The following MUCL1 variants were observed in gnomAD, a reference collection of about 807,000 sequenced individuals.
The protein encoded by MUCL1 is mucin-like protein 1.
Under a neutral mutation model 9.2 loss-of-function variants are expected in MUCL1, and 11 were observed. The observed-to-expected ratio is 1.19, with a 90% CI of 0.75 to 1.97. MUCL1 has a LOEUF of 1.97. Among genes scored for constraint, MUCL1 ranks in the 30% most tolerant of loss-of-function variants. The pLI is 0.00. For synonymous variants in MUCL1, 48 were observed against 40.5 expected, an observed-to-expected ratio of 1.19 and a Z score of -0.71; for missense variants, 144 against 110.9, an observed-to-expected ratio of 1.30 and a Z score of -1.34.
At chr12:54,855,447 T>C (rs1183884850) in intron 2 of MUCL1, 2 of 330,970 alleles carry the variant, frequency 6.0e-6, no homozygotes, top group Non-Finnish European at 5.7e-6. Context: ...TCTGATGTTG[T>C]AGCCTGAGAA....
chr12:54,831,042 TA>T (rs1447789931), intron 1 of MUCL1, among the ~76,000 whole-genome samples: 1 of 152,190 alleles, frequency 6.6e-6, no homozygotes, highest in Non-Finnish European at 1.5e-5. Flanking sequence ...GATAAAAATA[TA>T]AAGTAGAAGA....
At chr12:54,845,727 A>G (rs76575032) in intron 1 of MUCL1, among the ~76,000 whole-genome samples, 9,942 of 152,134 alleles carry the variant, frequency 0.065, 1,106 homozygotes, top group African/African-American at 0.23. Flanking sequence ...AGTGAACTGG[A>G]CTGGACTGGT....
At chr12:54,849,340 A>T (rs1021873742) in intron 1 of MUCL1, among the ~76,000 whole-genome samples, 7 of 152,142 alleles carry the variant, frequency 4.6e-5, no homozygotes, top group Non-Finnish European at 2.9e-5. Flanking sequence ...ATAAGTTCAT[A>T]TATGCATAAA....
At chr12:54,837,046 T>C (rs1959193959), upstream of MUCL1, among the ~76,000 whole-genome samples, 2 of 152,336 alleles carry the variant, frequency 1.3e-5, no homozygotes, top group African/African-American at 4.8e-5. Context: ...GAGAAGAATG[T>C]ATATTCTGCA....
intron 1 of MUCL1, among the ~76,000 whole-genome samples, chr12:54,839,766 G>A (rs1310885436): frequency 6.6e-6 from 1 of 152,164 alleles, no homozygotes; most frequent in Non-Finnish European, 1.5e-5. Flanking sequence ...ACCCTGAAGT[G>A]TTCCAGAAAG....
chr12:54,854,758 C>A, intron 1 of MUCL1, 118 bp downstream of exon 1: 1 of 844,532 alleles, frequency 1.2e-6, no homozygotes, highest in Non-Finnish European at 1.9e-6. Flanking sequence ...CTAACTTGTT[C>A]TATCACCATT....
At chr12:54,852,025 G>A (rs1469141430), upstream of MUCL1, among the ~76,000 whole-genome samples, 1 of 152,116 alleles carries the variant, frequency 6.6e-6, no homozygotes, top group African/African-American at 2.4e-5. Flanking sequence ...ACAAATGGAA[G>A]AACATTCCAT....
chr12:54,853,066 A>G (rs1868267267), upstream of MUCL1, among the ~76,000 whole-genome samples: 1 of 152,088 alleles, frequency 6.6e-6, no homozygotes, highest in Non-Finnish European at 1.5e-5. Flanking sequence ...ACCTCTTAGC[A>G]TGTTTTGGGG....
chr12:54,856,258 T>C (rs1377279821), intron 2 of MUCL1, among the ~76,000 whole-genome samples: 1 of 136,784 alleles, frequency 7.3e-6, no homozygotes, highest in Admixed American at 7.8e-5. Flanking sequence ...TGATAGAAGA[T>C]ATCTTACTGC....
chr12:54,854,133 A>G (rs544140830), upstream of MUCL1, among the ~76,000 whole-genome samples: 4 of 152,328 alleles, frequency 2.6e-5, no homozygotes, highest in African/African-American at 9.6e-5. Context: ...AGGGGGAGAC[A>G]GAGGTCTAAG....
chr12:54,856,218 G>A (rs1868298138), intron 2 of MUCL1, among the ~76,000 whole-genome samples: 1 of 152,140 alleles, frequency 6.6e-6, no homozygotes, highest in Non-Finnish European at 1.5e-5. Flanking sequence ...CAGAGGGTGA[G>A]ACAAATATGG....
upstream of MUCL1, among the ~76,000 whole-genome samples, chr12:54,849,796 T>G (rs1959309827): frequency 6.6e-6 from 1 of 152,172 alleles, no homozygotes. Flanking sequence ...ATGCTTGAAT[T>G]TTAGATCCCT....
chr12:54,851,366 A>T (rs192520985), upstream of MUCL1, among the ~76,000 whole-genome samples: 6 of 152,302 alleles, frequency 3.9e-5, no homozygotes, highest in Admixed American at 3.9e-4. Context: ...ATGCAAATCA[A>T]TACACGTAAT....
At position 54,858,364 on chromosome 12, in the gene MUCL1, A is replaced by C; in HGVS notation, c.*122A>C. On this transcript the variant is annotated 3_prime_UTR_variant, in exon 4 of 4. Transcript: ENST00000308796. ...TCTCTAATCAGTTTATTTTCTTTCAAATAAAAAATAACTATGAGCAACATA... is the reference window on the plus strand; with the variant it reads ...TCTCTAATCAGTTTATTTTCTTTCACATAAAAAATAACTATGAGCAACATA... The C allele has an allele frequency of 8.0e-7, 1 of 1,247,768 alleles. No individual in the cohort carries two copies. The highest frequency in any genetic ancestry group is 1.2e-6 in the Non-Finnish European group (1 of 866,932). The allele number at this position is 1,247,768 out of a possible 1,614,324, so 77.3% of individuals were successfully genotyped here.
At chr12:54,848,650 A>G (rs1362802355) in intron 1 of MUCL1, among the ~76,000 whole-genome samples, 1 of 152,216 alleles carries the variant, frequency 6.6e-6, no homozygotes, top group Non-Finnish European at 1.5e-5. Context: ...AAATCATGGA[A>G]GAGGAAATTC....
At chr12:54,848,844 A>C (rs1223482658) in intron 1 of MUCL1, among the ~76,000 whole-genome samples, 1 of 152,206 alleles carries the variant, frequency 6.6e-6, no homozygotes, top group African/African-American at 2.4e-5. Flanking sequence ...CTCTTTGAGA[A>C]AGCTGTTGGT....
At chr12:54,852,230 G>C, upstream of MUCL1, among the ~76,000 whole-genome samples, 1 of 152,142 alleles carries the variant, frequency 6.6e-6, no homozygotes, top group East Asian at 1.9e-4. Flanking sequence ...CAAAGCTGGA[G>C]GCATCACACT....
In MUCL1 at chr12:54,855,156, T is replaced by C; in HGVS notation, c.99T>C (p.Ala33=). ...TTAAPADTYP[A]TGPADDEAPD... The stretch of plus-strand genomic sequence containing the variant: ...CTGCTCCAGCTGACACGTATCCAGC[T>C]AGTGAGTCTGCACTTGAATGTCATC... The change falls in exon 2 of 4, where the codon GCT becomes GCC. Residue 33 remains alanine, a splice_region_variant and synonymous_variant. Coordinates refer to ENST00000308796, the MANE Select transcript of MUCL1 (RefSeq NM_058173.3). The C allele has an allele frequency of 6.2e-7, 1 of 1,613,186 alleles. No individual in the cohort carries two copies. The highest frequency in any genetic ancestry group is 8.5e-7 in the Non-Finnish European group (1 of 1,179,440).
intron 1 of MUCL1, among the ~76,000 whole-genome samples, chr12:54,840,611 C>G (rs192750042): frequency 1.4e-4 from 22 of 152,114 alleles, no homozygotes; most frequent in Non-Finnish European, 2.9e-4. Flanking sequence ...ATTAAGCTAC[C>G]AGGGCAGGTG....
Sources: gnomAD v4.1 joint callset for allele counts (sites outside exome capture counted in the v4.1 genomes callset) on GRCh38, gnomAD v4.1.1 for gene constraint, MANE v1.5 for transcripts, NCBI Gene and HGNC (gene_info 2026-07-23, HGNC 2026-07-21) for gene names.